Variants in CTNNA2 observed in about 807,000 individuals in gnomAD.
CTNNA2 encodes the protein catenin alpha-2.
Under a neutral mutation model 101.0 loss-of-function variants are expected in CTNNA2, and 42 were observed. That is an observed-to-expected ratio of 0.42 (90% CI 0.32 to 0.54). The LOEUF (loss-of-function observed/expected upper bound fraction) is 0.54, where lower values mean the gene tolerates loss of function less well. CTNNA2 is among the 20% of genes least tolerant of loss of function. The pLI, the probability that CTNNA2 is intolerant of heterozygous loss-of-function variation, is 0.14. For missense variants in CTNNA2, 871 were observed against 1,223.1 expected (o/e 0.71, Z 4.29); for synonymous variants, 450 against 456.4 (o/e 0.99, Z 0.18).
intron 7 of CTNNA2, among the ~76,000 whole-genome samples, chr2:80,234,263 C>G (rs1465600499): frequency 6.6e-6 from 1 of 152,144 alleles, no homozygotes; most frequent in Non-Finnish European, 1.5e-5. Context: ...AACTCCTGAC[C>G]TCAAGTGATC....
At chr2:80,025,428 C>T (rs1014734422) in intron 7 of CTNNA2, among the ~76,000 whole-genome samples, 11 of 152,126 alleles carry the variant, frequency 7.2e-5, no homozygotes, top group African/African-American at 2.4e-4. Context: ...CTTCCACTAA[C>T]GCAAGTTTAA....
chr2:80,232,341 GTTTGTT>G (rs1709279458), intron 7 of CTNNA2, among the ~76,000 whole-genome samples: 24 of 82,058 alleles, frequency 2.9e-4, no homozygotes, highest in African/African-American at 7.2e-4. Context: ...TTGTTTGTTT[GTTTGTT>G]TTTTTTTTTT....
chr2:79,956,840 T>TG, intron 7 of CTNNA2, among the ~76,000 whole-genome samples: 1 of 119,990 alleles, frequency 8.3e-6, no homozygotes, highest in Non-Finnish European at 1.7e-5. Context: ...TGAATACGTG[T>TG]GGGTTTTTTT....
intron 2 of CTNNA2, among the ~76,000 whole-genome samples, chr2:79,728,828 A>G (rs1371358797): frequency 1.3e-5 from 2 of 152,222 alleles, no homozygotes; most frequent in East Asian, 1.9e-4. Context: ...TATATTAAAT[A>G]GGGAATCCTT....
chr2:79,681,444 G>A (rs1683556613), intron 2 of CTNNA2, among the ~76,000 whole-genome samples: 1 of 152,122 alleles, frequency 6.6e-6, no homozygotes, highest in African/African-American at 2.4e-5. Flanking sequence ...CACCAGTGAT[G>A]TAATCTTTCT....
chr2:79,924,498 C>T (rs562911622), intron 7 of CTNNA2, among the ~76,000 whole-genome samples: 12 of 152,098 alleles, frequency 7.9e-5, no homozygotes, highest in African/African-American at 2.4e-4. Flanking sequence ...AATGGAATTT[C>T]AGAAAAGAGC....
intron 7 of CTNNA2, among the ~76,000 whole-genome samples, chr2:79,954,420 A>C (rs1689086243): frequency 6.6e-6 from 1 of 152,168 alleles, no homozygotes; most frequent in Non-Finnish European, 1.5e-5. Flanking sequence ...TCTCAAATCC[A>C]GTCTTCTCTT....
intron 3 of CTNNA2, among the ~76,000 whole-genome samples, chr2:79,833,981 C>A (rs1679121604): frequency 6.6e-6 from 1 of 152,260 alleles, no homozygotes; most frequent in Non-Finnish European, 1.5e-5. Flanking sequence ...TTCCATTGGA[C>A]ACATAAATTA....
chr2:80,005,049 A>C (rs1352096536), intron 7 of CTNNA2, among the ~76,000 whole-genome samples: 1 of 152,112 alleles, frequency 6.6e-6, no homozygotes, highest in Admixed American at 6.5e-5. Context: ...CTCTTTATTA[A>C]AAGGTCTTGC....
chr2:79,933,733 G>A (rs1453904996), intron 7 of CTNNA2, among the ~76,000 whole-genome samples: 1 of 152,168 alleles, frequency 6.6e-6, no homozygotes, highest in Non-Finnish European at 1.5e-5. Flanking sequence ...GGGATTACAG[G>A]CATGAGCCAT....
intron 1 of CTNNA2, among the ~76,000 whole-genome samples, chr2:79,529,403 A>G (rs1672608603): frequency 6.9e-6 from 1 of 145,680 alleles, no homozygotes; most frequent in Non-Finnish European, 1.5e-5. Context: ...AAGAGCTTAC[A>G]GGACATCCAG....
chr2:79,551,273 AAGGGGAAAGAGAAGGCAAC>A (rs1286478291), intron 1 of CTNNA2, among the ~76,000 whole-genome samples: 5 of 152,174 alleles, frequency 3.3e-5, no homozygotes, highest in African/African-American at 1.2e-4. Context: ...TCAGTATTTA[AAGGGGAAAGAGAAGGCAAC>A]AGGGGAAAGA....
intron 2 of CTNNA2, among the ~76,000 whole-genome samples, chr2:79,224,751 C>T (rs1674387146): frequency 6.6e-6 from 1 of 151,480 alleles, no homozygotes. Context: ...TAGCTCTCCA[C>T]CACCATCTCC....
rs1331687097 is a variant in CTNNA2 at position 80,043,119 on chromosome 2, C to CCCCT, written c.1056+133322_1056+133323insCCCT. Among the ~76,000 whole-genome samples the CCCCT allele has an allele frequency of 2.1e-4, 11 of 52,022 alleles. No homozygotes were observed. The East Asian group carries it at 2.5e-3, about 12-fold the overall frequency. 34.1% of individuals were successfully genotyped at this position (52,022 alleles called of 152,430 possible). A position where few individuals can be genotyped will look rare whatever the true frequency, so the allele number is the denominator to read the frequency against. ...TCTCTCTCTCTCTCTCTCTTTCTTTCTCCTTCCTTCCTTCCTTCCTTCCTT... is the reference window on the plus strand; with the variant it reads ...TCTCTCTCTCTCTCTCTCTTTCTTTCCCCTTCCTTCCTTCCTTCCTTCCTTCCTT... On this transcript the variant is annotated intron_variant, in intron 7 of 18. Transcript: ENST00000402739.
At chr2:80,434,423 G>C (rs151317635) in intron 9 of CTNNA2, among the ~76,000 whole-genome samples, 111 of 151,244 alleles carry the variant, frequency 7.3e-4, no homozygotes, top group Middle Eastern at 3.5e-3. Context: ...TCATGACTTC[G>C]AAGGAGCTGA....
At chr2:79,981,900 C>T (rs1216476294) in intron 7 of CTNNA2, among the ~76,000 whole-genome samples, 4 of 151,820 alleles carry the variant, frequency 2.6e-5, no homozygotes, top group Non-Finnish European at 4.4e-5. Flanking sequence ...CAGAATTAGC[C>T]TTTCTTGATT....
rs959706166 is a variant in CTNNA2 at position 79,545,246 on chromosome 2, T to C, written c.-6+32039T>C. Among the ~76,000 whole-genome samples, 4 of 152,302 alleles carry C rather than the reference T, an allele frequency of 2.6e-5. No individual in the cohort carries two copies. The South Asian group carries it at 6.2e-4, about 24-fold the overall frequency. ...CCAGTGAAGGAGGAGCTGAGTTTTG[T>C]GTGCAACTTCTAGGCCCTATGCTTA... On this transcript the variant is annotated intron_variant, in intron 1 of 18. Coordinates refer to ENST00000402739, the MANE Select transcript of CTNNA2 (RefSeq NM_001282597.3).
At chr2:79,490,222 G>C (rs1192863375) in intron 4 of CTNNA2, among the ~76,000 whole-genome samples, 3 of 152,080 alleles carry the variant, frequency 2.0e-5, no homozygotes. Context: ...TGTAGAATCA[G>C]AATATAAGCT....
rs555928608 is a variant in CTNNA2 at position 79,916,041 on chromosome 2, A to C, written c.1056+6244A>C. Among the ~76,000 whole-genome samples, 16 of 152,340 alleles carry C rather than the reference A, an allele frequency of 1.1e-4. No homozygotes were observed. In the South Asian group the frequency reaches 3.3e-3, roughly 32 times the overall value. On this transcript the variant is annotated intron_variant, in intron 7 of 18. Coordinates refer to ENST00000402739, the MANE Select transcript of CTNNA2 (RefSeq NM_001282597.3). ...TTAAGAATAAGGCTCATCGTTGATT[A>C]AACATGAAATTTGTTTTGAGTATTA...
Sources: allele counts gnomAD v4.1 joint callset (sites outside exome capture counted in the v4.1 genomes callset), GRCh38; gene constraint gnomAD v4.1.1; transcripts MANE v1.5; gene names NCBI Gene and HGNC (gene_info 2026-07-23, HGNC 2026-07-21).